The following POF1B variants were observed in gnomAD, a reference collection of about 807,000 sequenced individuals.
POF1B encodes the protein protein POF1B.
In POF1B, 53 loss-of-function variants were observed where a neutral mutation model predicts 55.3. That is an observed-to-expected ratio of 0.96 (90% CI 0.77 to 1.20). POF1B has a LOEUF of 1.20. Ranked by LOEUF, POF1B falls within the 50% of genes most tolerant of loss-of-function variation. The pLI, the probability that POF1B is intolerant of heterozygous loss-of-function variation, is 0.00. For missense variants in POF1B, 478 were observed against 420.5 expected (o/e 1.14, Z -1.20); for synonymous variants, 188 against 148.3 (o/e 1.27, Z -1.95).
At position 85,279,379 on chromosome X, in the gene POF1B, A is replaced by G. The variant is rs372539151; in HGVS notation, c.*42T>C. 34 of 1,156,963 alleles carry G rather than the reference A, an allele frequency of 2.9e-5. No individual in the cohort carries two copies. The East Asian group carries it at 5.7e-4, about 19-fold the overall frequency. ...ACTAATGCAGAGACACACACACAAA[A>G]AAAAAACGGCTTTGAGTTGTAATAC... is the stretch of plus-strand genomic sequence containing the variant. On this transcript the variant is annotated 3_prime_UTR_variant, in exon 17 of 17. Coordinates refer to ENST00000262753, the MANE Select transcript of POF1B (RefSeq NM_024921.4).
chrX:85,309,219 G>T (rs754588364), intron 9 of POF1B, among the ~76,000 whole-genome samples: 1 of 109,511 alleles, frequency 9.1e-6, no homozygotes, highest in Non-Finnish European at 1.9e-5. Context: ...TGTACACCAA[G>T]TTACCAATGG....
At chrX:85,324,616 T>C (rs890039461) in intron 7 of POF1B, among the ~76,000 whole-genome samples, 2 of 111,623 alleles carry the variant, frequency 1.8e-5, no homozygotes, top group African/African-American at 6.5e-5. Context: ...TTATGTCACA[T>C]GAGTCTCTTG....
intron 7 of POF1B, among the ~76,000 whole-genome samples, chrX:85,328,220 T>A (rs779536361): frequency 8.6e-4 from 85 of 98,510 alleles, no homozygotes; most frequent in African/African-American, 2.8e-3. Flanking sequence ...TTATTTATTT[T>A]TTGAGATGGA....
At chrX:85,285,924 C>T (rs1023362173) in intron 15 of POF1B, among the ~76,000 whole-genome samples, 1 of 104,809 alleles carries the variant, frequency 9.5e-6, no homozygotes, top group Non-Finnish European at 1.9e-5. Context: ...ACCAGAGAAG[C>T]ATGATAAAAA....
intron 6 of POF1B, among the ~76,000 whole-genome samples, chrX:85,332,942 T>C (rs1172714293): frequency 9.0e-6 from 1 of 111,483 alleles, no homozygotes; most frequent in East Asian, 2.8e-4. Flanking sequence ...TATCATCACA[T>C]AGTATGTTTA....
At chrX:85,327,279 T>A (rs1296722971) in intron 7 of POF1B, among the ~76,000 whole-genome samples, 2 of 111,365 alleles carry the variant, frequency 1.8e-5, no homozygotes, top group Admixed American at 1.9e-4. Context: ...CAGTGTGTGG[T>A]AGCCCCTTTC....
At chrX:85,329,065 G>C (rs1430341817) in intron 7 of POF1B, among the ~76,000 whole-genome samples, 1 of 111,365 alleles carries the variant, frequency 9.0e-6, no homozygotes, top group Non-Finnish European at 1.9e-5. Context: ...ATAGATTATA[G>C]GTAAAGCAGT....
chrX:85,292,388 G>T (rs138537187), intron 15 of POF1B, among the ~76,000 whole-genome samples: 103 of 111,490 alleles, frequency 9.2e-4, no homozygotes, highest in African/African-American at 3.3e-3. Flanking sequence ...GTATTGACCT[G>T]AAGTTTTCAT....
chrX:85,332,697 C>A (rs972291689), intron 6 of POF1B, among the ~76,000 whole-genome samples: 1 of 111,048 alleles, frequency 9.0e-6, no homozygotes, highest in African/African-American at 3.3e-5. Context: ...TTCATAATTA[C>A]ATTTGTGACA....
At chrX:85,340,549 A>G (rs1473928864) in intron 6 of POF1B, among the ~76,000 whole-genome samples, 2 of 111,664 alleles carry the variant, frequency 1.8e-5, no homozygotes, top group African/African-American at 6.5e-5. Context: ...GCTGAAAGCT[A>G]TGTGAACTGA....
chrX:85,335,060 C>A (rs1001016234), intron 6 of POF1B, among the ~76,000 whole-genome samples: 2 of 111,204 alleles, frequency 1.8e-5, no homozygotes, highest in African/African-American at 6.5e-5. Context: ...GTAGAACAGT[C>A]TTGGCTTAAT....
intron 2 of POF1B, among the ~76,000 whole-genome samples, chrX:85,376,431 A>G (rs548817609): frequency 8.9e-6 from 1 of 111,757 alleles, no homozygotes; most frequent in South Asian, 3.7e-4. Flanking sequence ...ATTCAGTTCT[A>G]AAATGCATCT....
At chrX:85,354,755 G>A (rs1175615688) in intron 4 of POF1B, among the ~76,000 whole-genome samples, 2 of 110,914 alleles carry the variant, frequency 1.8e-5, no homozygotes, top group East Asian at 5.7e-4. Flanking sequence ...TACAAGGGAC[G>A]TGAAGGACCT....
chrX:85,325,808 G>A (rs181654305), intron 7 of POF1B, among the ~76,000 whole-genome samples: 1 of 111,740 alleles, frequency 8.9e-6, no homozygotes, highest in African/African-American at 3.2e-5. Context: ...GTGGGCTGAT[G>A]TTCCTTCAAT....
chrX:85,291,719 GCTTGA>G (rs201385503), intron 15 of POF1B, among the ~76,000 whole-genome samples: 1,394 of 110,337 alleles, frequency 0.013, 82 homozygotes, highest in Admixed American at 0.12. Context: ...TTCGCTCTCT[GCTTGA>G]CTTTTGTTGG....
chrX:85,363,468 A>T (rs1268195133), intron 3 of POF1B, among the ~76,000 whole-genome samples: 1 of 111,817 alleles, frequency 8.9e-6, no homozygotes, highest in Non-Finnish European at 1.9e-5. Context: ...TTAGTTTCAA[A>T]GAACTTCTTG....
chrX:85,333,956 G>A (rs111926540), intron 6 of POF1B, among the ~76,000 whole-genome samples: 2,977 of 107,441 alleles, frequency 0.028, 102 homozygotes, highest in African/African-American at 0.095. Context: ...AAATTTGGGA[G>A]GGGGGAGGGC....
intron 4 of POF1B, among the ~76,000 whole-genome samples, chrX:85,356,506 A>G (rs955618053): frequency 3.4e-4 from 38 of 110,626 alleles, no homozygotes; most frequent in African/African-American, 1.2e-3. Flanking sequence ...AACGATGTTG[A>G]TTCTGTCTGG....
At chrX:85,339,814 A>C (rs1288682864) in intron 6 of POF1B, among the ~76,000 whole-genome samples, 2 of 111,481 alleles carry the variant, frequency 1.8e-5, no homozygotes, top group African/African-American at 6.5e-5. Flanking sequence ...AGATCAAAAG[A>C]ATCAGAAGTT....
Sources: gnomAD v4.1 joint callset for allele counts (sites outside exome capture counted in the v4.1 genomes callset) on GRCh38, gnomAD v4.1.1 for gene constraint, MANE v1.5 for transcripts, NCBI Gene and HGNC (gene_info 2026-07-23, HGNC 2026-07-21) for gene names.